Variants in LRP1B observed in about 807,000 individuals in gnomAD.
LRP1B encodes LDL receptor related protein 1B.
LRP1B carries 217 observed loss-of-function variants against 556.6 expected under a neutral mutation model. That is an observed-to-expected ratio of 0.39 (90% confidence interval 0.35 to 0.44). The LOEUF (loss-of-function observed/expected upper bound fraction) is 0.44. LRP1B is among the 20% of genes least tolerant of loss of function. The pLI, the probability that LRP1B is intolerant of heterozygous loss-of-function variation, is 1.00. For synonymous variants in LRP1B, 2,047 were observed against 1,865.8 expected (o/e 1.10, Z -2.50); for missense variants, 5,053 against 5,620.8 (o/e 0.90, Z 3.23).
chr2:142,032,573 C>A (rs1703745621), intron 1 of LRP1B, among the ~76,000 whole-genome samples: 1 of 151,788 alleles, frequency 6.6e-6, no homozygotes, highest in African/African-American at 2.4e-5. Flanking sequence ...TAACCATCAT[C>A]ATTATTTTTA....
intron 43 of LRP1B, among the ~76,000 whole-genome samples, chr2:140,563,589 A>C (rs879496180): frequency 4.6e-5 from 7 of 152,148 alleles, no homozygotes; most frequent in Non-Finnish European, 1.0e-4. Flanking sequence ...CCTACAGAAC[A>C]ATGTGTTACT....
At chr2:140,823,441 T>G (rs968724910) in intron 31 of LRP1B, among the ~76,000 whole-genome samples, 9 of 152,134 alleles carry the variant, frequency 5.9e-5, no homozygotes, top group Admixed American at 5.9e-4. Flanking sequence ...ATGCAGTGAT[T>G]AATGCCCTAT....
At chr2:141,484,911 A>T (rs969373188) in intron 2 of LRP1B, among the ~76,000 whole-genome samples, 1 of 152,124 alleles carries the variant, frequency 6.6e-6, no homozygotes, top group African/African-American at 2.4e-5. Context: ...AGATTTTTTT[A>T]AAAGTGATTC....
At chr2:141,488,965 G>GTT (rs751786929) in intron 2 of LRP1B, among the ~76,000 whole-genome samples, 2 of 110,964 alleles carry the variant, frequency 1.8e-5, no homozygotes, top group Non-Finnish European at 4.2e-5. Flanking sequence ...ACATGGGTTT[G>GTT]TTTTTTTTTG....
intron 16 of LRP1B, among the ~76,000 whole-genome samples, chr2:140,989,985 C>T (rs1478114410): frequency 6.6e-6 from 1 of 152,158 alleles, no homozygotes; most frequent in Admixed American, 6.6e-5. Context: ...GTGGGTGGAT[C>T]ACCTGGGGTC....
intron 27 of LRP1B, among the ~76,000 whole-genome samples, chr2:140,855,938 T>C (rs1229054650): frequency 6.6e-6 from 1 of 152,226 alleles, no homozygotes; most frequent in Non-Finnish European, 1.5e-5. Flanking sequence ...TAATCCTTTC[T>C]CAAGTATTGT....
intron 3 of LRP1B, among the ~76,000 whole-genome samples, chr2:141,420,899 T>G (rs574683331): frequency 6.6e-6 from 1 of 152,206 alleles, no homozygotes; most frequent in African/African-American, 2.4e-5. Context: ...TGTTGGGTGC[T>G]TGGTGCACTC....
Position 140,936,212 on chromosome 2 carries a change from CATTTGT to C in LRP1B, c.3137-13071_3137-13066del, listed in dbSNP as rs200570623. Among the ~76,000 whole-genome samples the C allele has an allele frequency of 6.5e-3, 977 of 151,390 alleles. 8 individuals carry two copies. The highest frequency in any genetic ancestry group is 0.02 in the African/African-American group (827 of 41,320). ...AAATTTAGCCAGGTATGGTGGCATA[CATTTGT>C]AATCTCAGCTACTTTGGAGGCTGAG... is the stretch of plus-strand genomic sequence containing the variant. On this transcript the variant is annotated intron_variant, in intron 20 of 90. Coordinates refer to ENST00000389484, the MANE Select transcript of LRP1B (RefSeq NM_018557.3).
intron 5 of LRP1B, among the ~76,000 whole-genome samples, chr2:141,237,353 G>GGTTTTTTTTTTTTTT (rs398039112): frequency 2.1e-5 from 2 of 93,636 alleles, no homozygotes. Flanking sequence ...GTGTTCTAGT[G>GGTTTTTTTTTTTTTT]TTTTTTTTTT....
At chr2:141,834,703 C>G (rs1287498818) in intron 1 of LRP1B, among the ~76,000 whole-genome samples, 2 of 151,814 alleles carry the variant, frequency 1.3e-5, no homozygotes, top group Non-Finnish European at 2.9e-5. Context: ...TCCAGTTTCA[C>G]AGAGTGGGTA....
intron 2 of LRP1B, among the ~76,000 whole-genome samples, chr2:141,783,343 A>T (rs1186951348): frequency 6.6e-6 from 1 of 151,952 alleles, no homozygotes; most frequent in East Asian, 1.9e-4. Flanking sequence ...GAACCAAGGT[A>T]AAAAGAAGAA....
In LRP1B at chr2:140,700,383, C is replaced by T. The variant is rs1332542105; in HGVS notation, c.6666G>A (p.Lys2222=). ...AGTCAAAAGCCAAGGCTATGACATT[C>T]TTGAAATAACGTGGATTCTCATATG... The part of the protein sequence containing the change: ...IRPYENPRYF[K]NVIALAFDYN... The change falls in exon 41 of 91, where the codon AAG becomes AAA. Residue 2222 remains lysine (K), a synonymous_variant. Coordinates refer to ENST00000389484, the MANE Select transcript of LRP1B (RefSeq NM_018557.3). The T allele has an allele frequency of 6.2e-7, 1 of 1,613,376 alleles. No homozygotes were observed. The highest frequency in any genetic ancestry group is 8.5e-7 in the Non-Finnish European group (1 of 1,179,606).
At chr2:140,341,790 G>GT (rs1174818629) in intron 77 of LRP1B, among the ~76,000 whole-genome samples, 1 of 151,210 alleles carries the variant, frequency 6.6e-6, no homozygotes, top group East Asian at 2.0e-4. Context: ...TAAACCAATG[G>GT]TTTTTTAAAG....
At chr2:142,113,907 G>A (rs1258638973) in intron 1 of LRP1B, among the ~76,000 whole-genome samples, 1 of 152,068 alleles carries the variant, frequency 6.6e-6, no homozygotes, top group African/African-American at 2.4e-5. Context: ...GTGATCACTG[G>A]AAACATCACT....
intron 1 of LRP1B, among the ~76,000 whole-genome samples, chr2:141,874,832 G>A (rs911016103): frequency 4.0e-5 from 6 of 151,886 alleles, no homozygotes; most frequent in African/African-American, 1.2e-4. Context: ...ATCTTCAGGA[G>A]CCTTATGGCC....
At chr2:141,677,926 A>G (rs1288461910) in intron 2 of LRP1B, among the ~76,000 whole-genome samples, 1 of 152,182 alleles carries the variant, frequency 6.6e-6, no homozygotes, top group African/African-American at 2.4e-5. Flanking sequence ...TATGAATGCA[A>G]GAGGTTTGAG....
intron 2 of LRP1B, among the ~76,000 whole-genome samples, chr2:141,520,392 A>G (rs1004928691): frequency 6.6e-6 from 1 of 152,126 alleles, no homozygotes; most frequent in Admixed American, 6.6e-5. Context: ...CTTAAAACAG[A>G]TGGATTTCAA....
At chr2:140,986,286 G>A (rs913120889) in intron 17 of LRP1B, among the ~76,000 whole-genome samples, 4 of 151,880 alleles carry the variant, frequency 2.6e-5, no homozygotes, top group African/African-American at 7.2e-5. Flanking sequence ...AATTGTTTCA[G>A]TTTTTCACTA....
At chr2:141,546,074 T>C (rs1045706175) in intron 2 of LRP1B, among the ~76,000 whole-genome samples, 1 of 152,162 alleles carries the variant, frequency 6.6e-6, no homozygotes, top group African/African-American at 2.4e-5. Flanking sequence ...CTCCTAGATC[T>C]ACCACTCCAG....
Sources: gnomAD v4.1 joint callset for allele counts (sites outside exome capture counted in the v4.1 genomes callset) on GRCh38, gnomAD v4.1.1 for gene constraint, MANE v1.5 for transcripts, NCBI Gene and HGNC (gene_info 2026-07-23, HGNC 2026-07-21) for gene names.